Variants in MTREX observed in about 807,000 individuals in gnomAD.
The protein encoded by MTREX is exosome RNA helicase MTR4.
MTREX carries 76 observed loss-of-function variants against 135.4 expected under a neutral mutation model. The ratio of observed to expected loss-of-function variants is 0.56; its 90% CI spans 0.47 to 0.68. MTREX has a LOEUF of 0.68. Among genes scored for constraint, MTREX ranks in the 30% least tolerant of loss-of-function variants. The pLI, the probability that MTREX is intolerant of heterozygous loss-of-function variation, is 0.00. For missense variants in MTREX, 920 were observed against 1,262.1 expected, an observed-to-expected ratio of 0.73 and a Z score of 4.11; for synonymous variants, 404 against 401.6, an observed-to-expected ratio of 1.01 and a Z score of -0.07.
intron 16 of MTREX, among the ~76,000 whole-genome samples, chr5:55,370,037 C>T (rs537855515): frequency 6.2e-4 from 95 of 152,148 alleles, no homozygotes; most frequent in African/African-American, 2.2e-3. Context: ...GATTCTCCTG[C>T]CTCAGCCTCT....
intron 18 of MTREX, among the ~76,000 whole-genome samples, chr5:55,385,629 G>A (rs776127254): frequency 3.3e-5 from 5 of 151,278 alleles, no homozygotes; most frequent in Non-Finnish European, 5.9e-5. Flanking sequence ...ATTTTTTTTT[G>A]GACTAGATCT....
chr5:55,346,378 T>A (rs1414184041), intron 10 of MTREX, among the ~76,000 whole-genome samples: 1 of 152,216 alleles, frequency 6.6e-6, no homozygotes, highest in African/African-American at 2.4e-5. Flanking sequence ...AATTACAGCA[T>A]CCCTGGGCTA....
intron 3 of MTREX, 79 bp downstream of exon 3, chr5:55,324,277 A>G (rs1213405750): frequency 6.0e-6 from 6 of 997,282 alleles, no homozygotes; most frequent in Non-Finnish European, 9.1e-6. Context: ...TGATCAGCAA[A>G]CAGTTTAGCC....
At chr5:55,334,567 T>A (rs578033172) in intron 5 of MTREX, among the ~76,000 whole-genome samples, 69 of 152,258 alleles carry the variant, frequency 4.5e-4, no homozygotes, top group Non-Finnish European at 8.8e-4. Flanking sequence ...ACTGCTGATT[T>A]TTTAAGTCTA....
chr5:55,400,222 AT>A lies in MTREX; in HGVS notation c.2293-4del. ...TATAAGATGAAAATGAATTTTACATATTTTTTTCAGGAAGTTCAGAAACGTT... is the reference window on the plus strand; with the variant it reads ...TATAAGATGAAAATGAATTTTACATATTTTTTCAGGAAGTTCAGAAACGTT... On this transcript the variant is annotated splice_polypyrimidine_tract_variant and intron_variant, in intron 20 of 26. Coordinates refer to ENST00000230640, the MANE Select transcript of MTREX (RefSeq NM_015360.5). 4 of 1,542,368 alleles carry A rather than the reference AT, an allele frequency of 2.6e-6. No individual in the cohort carries two copies. The highest frequency in any genetic ancestry group is 1.2e-5 in the South Asian group (1 of 80,072).
At position 55,400,371 on chromosome 5, in the gene MTREX, A is replaced by T. The variant is rs147032648; in HGVS notation, c.2431A>T (p.Asn811Tyr). 6 of 1,611,966 alleles carry T rather than the reference A, an allele frequency of 3.7e-6. No homozygotes were observed. The African/African-American group carries it at 8.0e-5, about 22-fold the overall frequency. ...TCGAATGTATTCTCATCCACTTCAC[A>T]ATGATCCAAATTTGGAAACTGTGTA... ...EHRMYSHPLH[N>Y]DPNLETVYTL... The change falls in exon 21 of 27, where the codon AAT (asparagine) becomes TAT (tyrosine). Residue 811 changes from asparagine (N) to tyrosine (Y), a missense_variant. Physicochemically the swap from Asn to Tyr is moderately radical, Grantham distance 143. Transcript: ENST00000230640.
chr5:55,416,056 C>T lies in MTREX; in HGVS notation c.2895C>T (p.His965=), dbSNP rs201914417. The part of the protein sequence containing the change: ...EETYLSSFKP[H]LMDVVYTWAT... Reference sequence around the variant, plus strand: ...CTTATCTAAGCTCATTTAAACCTCACTTAATGGATGTAGTATATACCTGGG... The same window carrying T: ...CTTATCTAAGCTCATTTAAACCTCATTTAATGGATGTAGTATATACCTGGG... Residue 965 remains histidine (H), a synonymous_variant, in exon 25 of 27, where the codon CAC becomes CAT. Coordinates refer to ENST00000230640, the MANE Select transcript of MTREX (RefSeq NM_015360.5). The T allele has an allele frequency of 1.2e-5, 19 of 1,603,694 alleles. No homozygotes were observed. The South Asian group carries it at 1.9e-4, about 16-fold the overall frequency.
At chr5:55,313,575 CAATA>C (rs1749150767) in intron 1 of MTREX, among the ~76,000 whole-genome samples, 1 of 152,110 alleles carries the variant, frequency 6.6e-6, no homozygotes, top group East Asian at 1.9e-4. Context: ...TTTTTGCCCT[CAATA>C]TATTGTGGTA....
At chr5:55,387,832 T>C (rs1750502875) in intron 18 of MTREX, 142 bp from the exon 19 acceptor site, 1 of 577,464 alleles carries the variant, frequency 1.7e-6, no homozygotes, top group African/African-American at 1.9e-5. Flanking sequence ...ACAGTTTTCA[T>C]TTCATAAAAT....
At chr5:55,380,558 A>G (rs781752553) in intron 18 of MTREX, among the ~76,000 whole-genome samples, 1 of 152,078 alleles carries the variant, frequency 6.6e-6, no homozygotes, top group Non-Finnish European at 1.5e-5. Flanking sequence ...TCTATTTTGT[A>G]TTCTGATATG....
In MTREX at chr5:55,314,877, A is replaced by G. The variant is rs112100114; in HGVS notation, c.134+6730A>G. ...TGCACAACCTAAATTCTTCACATGT[A>G]CAATTCACAATAGGGTTTGTGCTCC... is the stretch of plus-strand genomic sequence containing the variant. On this transcript the variant is annotated intron_variant, in intron 1 of 26. Coordinates refer to ENST00000230640, the MANE Select transcript of MTREX (RefSeq NM_015360.5). Among the ~76,000 whole-genome samples, 933 of 152,294 alleles carry G rather than the reference A, an allele frequency of 6.1e-3. 8 individuals carry two copies. Among genetic ancestry groups the G allele is most frequent in the African/African-American group, 0.022 (897 of 41,560 alleles).
At chr5:55,383,229 A>G (rs1195464167) in intron 18 of MTREX, among the ~76,000 whole-genome samples, 2 of 152,166 alleles carry the variant, frequency 1.3e-5, no homozygotes, top group African/African-American at 2.4e-5. Context: ...ATTTATTTCT[A>G]TCTTTTATAA....
Position 55,341,704 on chromosome 5 carries a change from A to G in MTREX, c.714A>G (p.Arg238=). ...TTEILRSMLY[R]GSEVMREVAW... is the part of the protein sequence containing the mutation. ...AGATTTTGAGAAGTATGCTTTACAG[A>G]GGTTCCGAAGTTATGAGAGAAGTTG... The change falls in exon 7 of 27, where the codon AGA becomes AGG. Residue 238 remains arginine (R), a synonymous_variant. Transcript: ENST00000230640. 5.7e-6 allele frequency: 9 copies of G among 1,591,830 alleles called. No individual in the cohort carries two copies. Among genetic ancestry groups the G allele is most frequent in the Non-Finnish European group, 7.7e-6 (9 of 1,163,558 alleles).
At chr5:55,350,863 T>C in intron 12 of MTREX, 56 bp from the exon 13 acceptor site, 1 of 1,358,534 alleles carries the variant, frequency 7.4e-7, no homozygotes, top group Non-Finnish European at 1.0e-6. Context: ...TAGTTTAACA[T>C]TTTAAAAATC....
chr5:55,366,729 C>A lies in MTREX; in HGVS notation c.1664C>A (p.Ser555Tyr), dbSNP rs1252059903. 1 of 1,581,134 alleles carries A rather than the reference C, an allele frequency of 6.3e-7. No homozygotes were observed. The highest frequency in any genetic ancestry group is 1.2e-5 in the South Asian group (1 of 83,690). Residue 555 changes from serine to tyrosine, a missense_variant, in exon 16 of 27, where the codon TCC becomes TAC. Physicochemically the swap from Ser to Tyr is moderately radical, Grantham distance 144. Coordinates refer to ENST00000230640, the MANE Select transcript of MTREX (RefSeq NM_015360.5). ...GACATTTTTTTTCTCTCTTAGGGCT[C>A]CGCTGATCCTCTAAATAGTGCTTTC... is the stretch of plus-strand genomic sequence containing the variant. ...PTIGKQLLKG[S>Y]ADPLNSAFHL...
chr5:55,374,456 T>C (rs1459734368), intron 16 of MTREX, among the ~76,000 whole-genome samples: 1 of 151,640 alleles, frequency 6.6e-6, no homozygotes, highest in Non-Finnish European at 1.5e-5. Flanking sequence ...CCAACCTAAT[T>C]TTTTATTTTT....
chr5:55,363,342 A>C (rs1750047149), intron 15 of MTREX, among the ~76,000 whole-genome samples: 1 of 152,226 alleles, frequency 6.6e-6, no homozygotes. Context: ...TCTAAAATGT[A>C]AGAGATCATT....
At chr5:55,334,287 T>G (rs1749520389) in intron 5 of MTREX, among the ~76,000 whole-genome samples, 1 of 152,098 alleles carries the variant, frequency 6.6e-6, no homozygotes, top group African/African-American at 2.4e-5. Context: ...TAAATGCCAC[T>G]GAAATATACA....
In MTREX at chr5:55,379,183, G is replaced by T; in HGVS notation, c.2040G>T (p.Lys680Asn). 6.3e-7 allele frequency: 1 copy of T among 1,591,700 alleles called. No homozygotes were observed. The change falls in exon 18 of 27, where the codon AAG becomes AAT. Residue 680 changes from lysine (K) to asparagine (N), a missense_variant. By Grantham distance (94) the Lys-to-Asn change is moderately conservative. Coordinates refer to ENST00000230640, the MANE Select transcript of MTREX (RefSeq NM_015360.5). ...GWGVVVNFSK[K>N]SNVKPNSGEL... ...GAGTAGTGGTGAATTTCTCAAAAAA[G>T]TCAAATGTTAAGGTAAACTATTATC...
Sources: allele counts gnomAD v4.1 joint callset (sites outside exome capture counted in the v4.1 genomes callset), GRCh38; gene constraint gnomAD v4.1.1; transcripts MANE v1.5; gene names NCBI Gene and HGNC (gene_info 2026-07-23, HGNC 2026-07-21).